The following TBL1XR1 variants were observed in gnomAD, a reference collection of about 807,000 sequenced individuals.
TBL1XR1 encodes the protein F-box-like/WD repeat-containing protein TBL1XR1.
In TBL1XR1, 5 loss-of-function variants were observed where a neutral mutation model predicts 66.9. That is an observed-to-expected ratio of 0.07 (90% CI 0.04 to 0.16). The LOEUF (loss-of-function observed/expected upper bound fraction) is 0.16, where lower values mean the gene tolerates loss of function less well. TBL1XR1 is among the 10% of genes least tolerant of loss of function. TBL1XR1 has a pLI of 1.00. For missense variants in TBL1XR1, 238 were observed against 623.2 expected (o/e 0.38, Z 6.58); for synonymous variants, 210 against 206.0 (o/e 1.02, Z -0.17).
intron 2 of TBL1XR1, among the ~76,000 whole-genome samples, chr3:177,092,056 G>A (rs1722901777): frequency 6.6e-6 from 1 of 152,136 alleles, no homozygotes; most frequent in Non-Finnish European, 1.5e-5. Flanking sequence ...TAAAACGATT[G>A]GGACTACAAG....
At chr3:177,053,461 A>T (rs553431282) in intron 4 of TBL1XR1, among the ~76,000 whole-genome samples, 1 of 152,312 alleles carries the variant, frequency 6.6e-6, no homozygotes, top group African/African-American at 2.4e-5. Context: ...ATAACGTGAG[A>T]ATTTACAATT....
At chr3:177,165,767 G>T (rs1732747559) in intron 1 of TBL1XR1, among the ~76,000 whole-genome samples, 1 of 152,120 alleles carries the variant, frequency 6.6e-6, no homozygotes. Flanking sequence ...AACCAGTCTA[G>T]ACTCAGCCCT....
intron 2 of TBL1XR1, among the ~76,000 whole-genome samples, chr3:177,092,153 T>G (rs1204215573): frequency 2.0e-5 from 3 of 152,164 alleles, no homozygotes; most frequent in Admixed American, 6.5e-5. Flanking sequence ...AATGAGTATT[T>G]CCTTTGAGTG....
At chr3:177,032,533 G>C (rs1273814163) in intron 14 of TBL1XR1, 1 of 152,450 alleles carries the variant, frequency 6.6e-6, no homozygotes, top group Non-Finnish European at 1.5e-5. Context: ...AAGAATCTCT[G>C]AAACACCATA....
rs142450367 is a variant in TBL1XR1 at position 177,151,425 on chromosome 3, G to A, written c.-122+45696C>T. ...ACCACCTGAGTTCCATCTCCTATCAGATCAGCTACAGCATTAGATTCTCAC... is the reference window on the plus strand; with the variant it reads ...ACCACCTGAGTTCCATCTCCTATCAAATCAGCTACAGCATTAGATTCTCAC... On this transcript the variant is annotated intron_variant, in intron 1 of 15. Transcript: ENST00000457928. Among the ~76,000 whole-genome samples, 95 of 152,284 alleles carry A rather than the reference G, an allele frequency of 6.2e-4. 1 individual carries two copies. In the Middle Eastern group the frequency reaches 0.01, roughly 16 times the overall value.
upstream of TBL1XR1, among the ~76,000 whole-genome samples, chr3:177,200,970 G>C (rs1737328264): frequency 6.6e-6 from 1 of 151,970 alleles, no homozygotes; most frequent in Non-Finnish European, 1.5e-5. Flanking sequence ...TAGTGCCACT[G>C]CACTCCAGCC....
At chr3:177,172,365 T>C (rs988989523) in intron 1 of TBL1XR1, among the ~76,000 whole-genome samples, 1 of 144,832 alleles carries the variant, frequency 6.9e-6, no homozygotes, top group African/African-American at 2.6e-5. Flanking sequence ...AATAAGTAAA[T>C]ATACAGGAGA....
At chr3:177,199,294 T>C (rs1737289972), upstream of TBL1XR1, among the ~76,000 whole-genome samples, 1 of 152,186 alleles carries the variant, frequency 6.6e-6, no homozygotes, top group Non-Finnish European at 1.5e-5. Flanking sequence ...TTCAATAGGA[T>C]TCTAAAGCTG....
chr3:177,104,116 CAA>C (rs955890570), intron 1 of TBL1XR1, among the ~76,000 whole-genome samples: 14 of 111,160 alleles, frequency 1.3e-4, no homozygotes, highest in Non-Finnish European at 1.5e-4. Context: ...ACTCGGTCTC[CAA>C]AAAAAAAAAA....
intron 2 of TBL1XR1, among the ~76,000 whole-genome samples, chr3:177,095,532 C>G (rs1406733918): frequency 6.6e-6 from 1 of 150,794 alleles, no homozygotes; most frequent in Non-Finnish European, 1.5e-5. Flanking sequence ...CACTTGTCAC[C>G]CAGACTGGAG....
chr3:177,108,724 T>C (rs192427489), intron 1 of TBL1XR1, among the ~76,000 whole-genome samples: 48 of 152,322 alleles, frequency 3.2e-4, no homozygotes, highest in Middle Eastern at 3.4e-3. Context: ...GTTTGAATTA[T>C]GAATTTCCAT....
chr3:177,196,409 CCT>C (rs1168201751), intron 1 of TBL1XR1: 4 of 152,000 alleles, frequency 2.6e-5, no homozygotes, highest in African/African-American at 9.7e-5. Flanking sequence ...CCACCAAATA[CCT>C]CCTTAAGACG....
At chr3:177,177,385 G>A (rs1422017949) in intron 1 of TBL1XR1, among the ~76,000 whole-genome samples, 6 of 152,124 alleles carry the variant, frequency 3.9e-5, no homozygotes, top group African/African-American at 9.7e-5. Flanking sequence ...AGGAGGCAGA[G>A]GTTGCAGTGA....
chr3:177,197,278 G>A lies in TBL1XR1; in HGVS notation c.-279C>T, dbSNP rs1736990872. On this transcript the variant is annotated 5_prime_UTR_variant, in exon 1 of 16. Coordinates refer to ENST00000457928, the MANE Select transcript of TBL1XR1 (RefSeq NM_024665.7). ...ATAACCCCAGCGAGCGGAGGGCGCG[G>A]GGGATGGGCGCCGGGCGGGCGGGGG... 2 of 150,778 alleles carry A rather than the reference G, an allele frequency of 1.3e-5. No individual in the cohort carries two copies. Among genetic ancestry groups the A allele is most frequent in the African/African-American group, 4.9e-5 (2 of 41,188 alleles). 9.3% of individuals were successfully genotyped at this position (150,778 alleles called of 1,614,324 possible). A position where few individuals can be genotyped will look rare whatever the true frequency, so the allele number is the denominator to read the frequency against.
intron 2 of TBL1XR1, among the ~76,000 whole-genome samples, chr3:177,069,773 GAAAGGAAGGA>G (rs1387599923): frequency 7.2e-5 from 7 of 97,600 alleles, no homozygotes; most frequent in Non-Finnish European, 1.4e-4. Flanking sequence ...AGAAAGGAAG[GAAAGGAAGGA>G]AAAGGAAGGA....
At chr3:177,168,619 T>G (rs1020802366) in intron 1 of TBL1XR1, among the ~76,000 whole-genome samples, 1 of 152,170 alleles carries the variant, frequency 6.6e-6, no homozygotes, top group Admixed American at 6.5e-5. Flanking sequence ...ACAATGTATT[T>G]CACAATCAGT....
At chr3:177,110,242 C>T (rs931805481) in intron 1 of TBL1XR1, among the ~76,000 whole-genome samples, 1 of 152,140 alleles carries the variant, frequency 6.6e-6, no homozygotes, top group Non-Finnish European at 1.5e-5. Context: ...CACATTCTTA[C>T]AAAATTAACA....
At chr3:177,151,174 G>A (rs1281382100) in intron 1 of TBL1XR1, among the ~76,000 whole-genome samples, 4 of 152,188 alleles carry the variant, frequency 2.6e-5, no homozygotes, top group East Asian at 3.9e-4. Flanking sequence ...GCAAAGCTGG[G>A]AAGAAAGCCA....
chr3:177,201,725 T>C (rs541550740), upstream of TBL1XR1: 3 of 152,236 alleles, frequency 2.0e-5, no homozygotes, highest in East Asian at 5.8e-4. Flanking sequence ...ACTCATTTTA[T>C]ATTCTTTACT....
Sources: gnomAD v4.1 joint callset for allele counts (sites outside exome capture counted in the v4.1 genomes callset) on GRCh38, gnomAD v4.1.1 for gene constraint, MANE v1.5 for transcripts, NCBI Gene and HGNC (gene_info 2026-07-23, HGNC 2026-07-21) for gene names.